Variants in RNF180 observed in about 807,000 individuals in gnomAD.
RNF180 encodes the protein ring finger protein 180, also known as E3 ubiquitin-protein ligase RNF180.
RNF180 carries 38 observed loss-of-function variants against 59.2 expected under a neutral mutation model. The observed-to-expected ratio is 0.64, with a 90% CI of 0.50 to 0.84. The LOEUF is 0.84. RNF180 is among the 40% of genes least tolerant of loss of function. RNF180 has a pLI of 0.00. For synonymous variants in RNF180, 262 were observed against 240.3 expected (o/e 1.09, Z -0.84); for missense variants, 705 against 700.9 (o/e 1.01, Z -0.07).
At chr5:64,317,586 A>G (rs531551332) in intron 5 of RNF180, among the ~76,000 whole-genome samples, 1 of 141,706 alleles carries the variant, frequency 7.1e-6, no homozygotes, top group Admixed American at 7.1e-5. Context: ...ACACATATAT[A>G]TACATATTTA....
intron 5 of RNF180, among the ~76,000 whole-genome samples, chr5:64,284,831 A>G (rs781060043): frequency 4.6e-5 from 7 of 152,218 alleles, no homozygotes; most frequent in Admixed American, 1.3e-4. Flanking sequence ...ATTTCAGCCA[A>G]TTCAGCCTGC....
At chr5:64,178,328 C>T (rs1033221749) in intron 1 of RNF180, among the ~76,000 whole-genome samples, 1 of 152,122 alleles carries the variant, frequency 6.6e-6, no homozygotes, top group African/African-American at 2.4e-5. Context: ...CTTTGATCTC[C>T]ACCTGATGCT....
At chr5:64,283,977 T>C (rs1742144700) in intron 5 of RNF180, among the ~76,000 whole-genome samples, 1 of 152,192 alleles carries the variant, frequency 6.6e-6, no homozygotes, top group African/African-American at 2.4e-5. Flanking sequence ...CTTAAGTATT[T>C]TGTGGTGGCC....
intron 2 of RNF180, among the ~76,000 whole-genome samples, chr5:64,210,253 T>C (rs537825086): frequency 6.6e-6 from 1 of 152,262 alleles, no homozygotes; most frequent in South Asian, 2.1e-4. Flanking sequence ...CCACATTTTG[T>C]GAAATACTCT....
chr5:64,225,430 C>A (rs186016761), intron 5 of RNF180, among the ~76,000 whole-genome samples: 1 of 144,866 alleles, frequency 6.9e-6, no homozygotes, highest in Admixed American at 6.9e-5. Context: ...ATGTGAGGAG[C>A]GCCTCTGCCC....
chr5:64,205,833 G>C (rs903628434), intron 2 of RNF180, among the ~76,000 whole-genome samples: 1 of 151,738 alleles, frequency 6.6e-6, no homozygotes, highest in Non-Finnish European at 1.5e-5. Context: ...AAATAGGAGA[G>C]AGCAGTAGTT....
chr5:64,240,406 A>C (rs571494291), intron 5 of RNF180, among the ~76,000 whole-genome samples: 1 of 152,212 alleles, frequency 6.6e-6, no homozygotes, highest in Non-Finnish European at 1.5e-5. Flanking sequence ...AGGACATAAT[A>C]TATTTATAAT....
intron 5 of RNF180, among the ~76,000 whole-genome samples, chr5:64,226,732 A>G (rs548047323): frequency 1.3e-5 from 2 of 152,292 alleles, no homozygotes; most frequent in East Asian, 3.9e-4. Flanking sequence ...TACAGCAGCC[A>G]CAGCACAGAT....
intron 7 of RNF180, among the ~76,000 whole-genome samples, chr5:64,353,521 A>G (rs1179547440): frequency 6.6e-6 from 1 of 151,760 alleles, no homozygotes; most frequent in Admixed American, 6.6e-5. Flanking sequence ...AAAATAAGAA[A>G]TAAGTCGTAT....
chr5:64,217,593 C>A (rs1192291356), intron 5 of RNF180, 197 bp downstream of exon 5: 4 of 824,292 alleles, frequency 4.9e-6, no homozygotes, highest in Non-Finnish European at 6.5e-6. Flanking sequence ...ATTTGCTTTT[C>A]CTTAAGGATG....
At chr5:64,324,418 A>C (rs1206739441) in intron 5 of RNF180, among the ~76,000 whole-genome samples, 1 of 152,178 alleles carries the variant, frequency 6.6e-6, no homozygotes, top group African/African-American at 2.4e-5. Context: ...AAACCCCCAC[A>C]AACGTGGGGA....
At position 64,187,495 on chromosome 5, in the gene RNF180, A is replaced by G. The variant is rs114248677; in HGVS notation, c.1-13313A>G. ...TTTTATCATGTTCAAACACAGAAGTATGTAACACCAACAATTATTTAAGAA... is the reference window on the plus strand; with the variant it reads ...TTTTATCATGTTCAAACACAGAAGTGTGTAACACCAACAATTATTTAAGAA... On this transcript the variant is annotated intron_variant, in intron 1 of 7. Transcript: ENST00000389100. Among the ~76,000 whole-genome samples, 646 of 152,354 alleles carry G rather than the reference A, an allele frequency of 4.2e-3. 2 individuals are homozygous for G. Among genetic ancestry groups the G allele is most frequent in the Non-Finnish European group, 7.4e-3 (502 of 68,014 alleles).
At chr5:64,219,423 G>C (rs1231397413) in intron 5 of RNF180, among the ~76,000 whole-genome samples, 1 of 151,830 alleles carries the variant, frequency 6.6e-6, no homozygotes, top group Non-Finnish European at 1.5e-5. Context: ...TCTGTTTTTT[G>C]TAATGTCTTT....
chr5:64,355,994 G>A (rs1379205119), intron 7 of RNF180, among the ~76,000 whole-genome samples: 1 of 151,730 alleles, frequency 6.6e-6, no homozygotes, highest in Non-Finnish European at 1.5e-5. Flanking sequence ...AGCAACAAAA[G>A]TAAATTGAAC....
At chr5:64,361,949 T>A (rs1233759123) in intron 7 of RNF180, among the ~76,000 whole-genome samples, 1 of 151,292 alleles carries the variant, frequency 6.6e-6, no homozygotes, top group Non-Finnish European at 1.5e-5. Context: ...GATATTAGAG[T>A]GGTTTGTGAT....
At chr5:64,364,153 G>A (rs1746359693) in intron 7 of RNF180, among the ~76,000 whole-genome samples, 1 of 151,600 alleles carries the variant, frequency 6.6e-6, no homozygotes, top group Non-Finnish European at 1.5e-5. Flanking sequence ...GGGCATCCTT[G>A]TCTTATGTTT....
rs1209618714 is a variant in RNF180, at chr5:64,369,630, C to G, written c.1595C>G (p.Ala532Gly). 6.6e-7 allele frequency: 1 copy of G among 1,518,644 alleles called. No individual in the cohort carries two copies. The highest frequency in any genetic ancestry group is 1.4e-5 in the African/African-American group (1 of 71,220). The allele number at this position is 1,518,644 out of a possible 1,614,324, so 94.1% of individuals were successfully genotyped here. ...FHLFGGFRRHAAPVTRRQFPH... is the reference protein window; with the variant it reads ...FHLFGGFRRHGAPVTRRQFPH... ...CATCTTCTAGGTTTCCGCAGACATG[C>G]AGCTCCAGTTACAAGAAGGCAGTTC... The change falls in exon 8 of 8, where the codon GCA becomes GGA. Residue 532 changes from alanine to glycine, a missense_variant. Ala to Gly is a moderately conservative substitution (Grantham distance 60). Transcript: ENST00000389100.
At chr5:64,348,356 C>T (rs1745636253) in intron 7 of RNF180, among the ~76,000 whole-genome samples, 1 of 151,932 alleles carries the variant, frequency 6.6e-6, no homozygotes, top group Non-Finnish European at 1.5e-5. Flanking sequence ...CTTGAAAAAG[C>T]CTTGAGTTCA....
intron 1 of RNF180, among the ~76,000 whole-genome samples, chr5:64,187,153 T>G (rs1440895752): frequency 6.6e-6 from 1 of 152,150 alleles, no homozygotes; most frequent in African/African-American, 2.4e-5. Flanking sequence ...GCCTGAGATA[T>G]ATTTGTGAGA....
Sources: gnomAD v4.1 joint callset for allele counts (sites outside exome capture counted in the v4.1 genomes callset) on GRCh38, gnomAD v4.1.1 for gene constraint, MANE v1.5 for transcripts, NCBI Gene and HGNC (gene_info 2026-07-23, HGNC 2026-07-21) for gene names.